ERC2: variants seen among roughly 807,000 people sequenced by gnomAD.
ERC2 encodes the protein ELKS/RAB6-interacting/CAST family member 2, also known as ERC protein 2.
A neutral mutation model predicts 114.8 loss-of-function variants in ERC2; 42 were observed. That is an observed-to-expected ratio of 0.37 (90% CI 0.29 to 0.47). ERC2 has a LOEUF of 0.47. Among genes scored for constraint, ERC2 ranks in the 20% least tolerant of loss-of-function variants. The probability of loss-of-function intolerance (pLI) is 0.99; values close to 1 mark genes in which losing one functional copy is unlikely to be tolerated. For missense variants in ERC2, 939 were observed against 1,150.7 expected, an observed-to-expected ratio of 0.82 and a Z score of 2.66; for synonymous variants, 454 against 425.5, an observed-to-expected ratio of 1.07 and a Z score of -0.82.
intron 5 of ERC2, among the ~76,000 whole-genome samples, chr3:56,145,734 A>G (rs1336057665): frequency 6.6e-6 from 1 of 152,136 alleles, no homozygotes. Context: ...TACCTTTCCA[A>G]AAATGTTATA....
At chr3:55,708,497 A>G (rs1446342014) in intron 15 of ERC2, among the ~76,000 whole-genome samples, 1 of 152,194 alleles carries the variant, frequency 6.6e-6, no homozygotes, top group East Asian at 1.9e-4. Flanking sequence ...CTTACTTGTC[A>G]CTGACAAGCT....
chr3:56,083,029 C>T (rs541689480), intron 6 of ERC2, among the ~76,000 whole-genome samples: 2 of 152,212 alleles, frequency 1.3e-5, no homozygotes, highest in East Asian at 3.9e-4. Flanking sequence ...CAAAACTGGT[C>T]GCTGGTGCCA....
At chr3:56,329,966 CAT>C (rs975750613) in intron 2 of ERC2, among the ~76,000 whole-genome samples, 1 of 151,016 alleles carries the variant, frequency 6.6e-6, no homozygotes. Context: ...TTCCAATACA[CAT>C]ATATATATTT....
intron 7 of ERC2, among the ~76,000 whole-genome samples, chr3:56,040,704 A>C (rs1191217615): frequency 1.4e-5 from 2 of 143,516 alleles, no homozygotes; most frequent in Non-Finnish European, 3.0e-5. Flanking sequence ...AGAGAGAGAT[A>C]TATAGAGAGA....
intron 15 of ERC2, among the ~76,000 whole-genome samples, chr3:55,719,842 C>A (rs184668233): frequency 1.2e-4 from 19 of 152,220 alleles, no homozygotes; most frequent in African/African-American, 4.3e-4. Flanking sequence ...CAGCAGACCC[C>A]CCAGAAGCCT....
chr3:56,227,018 C>CT lies in ERC2; in HGVS notation c.1075-53499_1075-53498insA, dbSNP rs568747846. Among the ~76,000 whole-genome samples, 1,401 of 152,278 alleles carry CT rather than the reference C, an allele frequency of 9.2e-3. 25 individuals are homozygous for CT. Among genetic ancestry groups the CT allele is most frequent in the African/African-American group, 0.031 (1,283 of 41,544 alleles). On this transcript the variant is annotated intron_variant, in intron 3 of 17. Transcript: ENST00000288221. ...CTTACTTGCTCAACTACCTCCACCT[C>CT]AGTGTGCTCTGTAACCTACAGATCC... is the stretch of plus-strand genomic sequence containing the variant.
At chr3:55,817,059 C>G (rs1451091419) in intron 14 of ERC2, among the ~76,000 whole-genome samples, 1 of 152,182 alleles carries the variant, frequency 6.6e-6, no homozygotes, top group African/African-American at 2.4e-5. Context: ...AAAGGTAAGG[C>G]TTGTAGGACA....
intron 15 of ERC2, among the ~76,000 whole-genome samples, chr3:55,727,690 C>G (rs1477020574): frequency 6.6e-6 from 1 of 152,138 alleles, no homozygotes; most frequent in Admixed American, 6.5e-5. Flanking sequence ...ATGAGATACT[C>G]AGGAGTTTTC....
intron 14 of ERC2, among the ~76,000 whole-genome samples, chr3:55,870,220 G>C (rs1018200285): frequency 6.6e-6 from 1 of 151,972 alleles, no homozygotes; most frequent in East Asian, 1.9e-4. Context: ...GACCACAGAC[G>C]CCCGTCACCA....
intron 7 of ERC2, among the ~76,000 whole-genome samples, chr3:56,059,862 C>T (rs2076176245): frequency 1.3e-5 from 2 of 152,188 alleles, no homozygotes; most frequent in African/African-American, 4.8e-5. Flanking sequence ...TGTCTACAAA[C>T]ATGCAGATTC....
chr3:56,071,335 G>A (rs2076732154), intron 7 of ERC2, among the ~76,000 whole-genome samples: 1 of 152,204 alleles, frequency 6.6e-6, no homozygotes, highest in Admixed American at 6.5e-5. Context: ...CCCAGGCTCT[G>A]TCACTAATTA....
At position 56,440,414 on chromosome 3, in the gene ERC2, G is replaced by A. The variant is rs893867290; in HGVS notation, c.-140-5267C>T. Among the ~76,000 whole-genome samples the A allele has an allele frequency of 2.6e-3, 391 of 152,244 alleles. 17 individuals carry two copies. Among genetic ancestry groups the A allele is most frequent in the Admixed American group, 0.025 (388 of 15,294 alleles). The stretch of plus-strand genomic sequence containing the variant: ...GTACAAAAAATTAGCCAGGCGTGGT[G>A]GTGGGCGCATGTAGTCCCAGCTACT... On this transcript the variant is annotated intron_variant, in intron 1 of 17. Transcript: ENST00000288221.
At chr3:55,989,243 A>G (rs933386882) in intron 11 of ERC2, among the ~76,000 whole-genome samples, 2 of 152,392 alleles carry the variant, frequency 1.3e-5, no homozygotes, top group African/African-American at 4.8e-5. Context: ...AAATGCCTGT[A>G]AAATCACTGC....
intron 2 of ERC2, among the ~76,000 whole-genome samples, chr3:56,418,220 C>T (rs1287249494): frequency 6.6e-6 from 1 of 151,540 alleles, no homozygotes; most frequent in African/African-American, 2.4e-5. Flanking sequence ...ATTGCTTGAG[C>T]CCTGGAGATC....
intron 2 of ERC2, among the ~76,000 whole-genome samples, chr3:56,372,800 T>C (rs142368297): frequency 1.3e-5 from 2 of 152,262 alleles, no homozygotes; most frequent in African/African-American, 2.4e-5. Context: ...AACTGAGCTC[T>C]AATCTGTTAG....
intron 10 of ERC2, among the ~76,000 whole-genome samples, chr3:56,001,698 G>C (rs950456023): frequency 6.6e-6 from 1 of 152,110 alleles, no homozygotes; most frequent in Non-Finnish European, 1.5e-5. Flanking sequence ...TACCTATCCT[G>C]ACAGGGAGAG....
intron 15 of ERC2, among the ~76,000 whole-genome samples, chr3:55,731,199 G>A (rs1409348318): frequency 1.1e-5 from 1 of 92,850 alleles, no homozygotes; most frequent in Non-Finnish European, 2.1e-5. Flanking sequence ...TTTAGGAGAG[G>A]AGGACCAGGA....
At chr3:55,920,999 T>C (rs376053494) in intron 13 of ERC2, among the ~76,000 whole-genome samples, 12 of 152,116 alleles carry the variant, frequency 7.9e-5, no homozygotes, top group African/African-American at 2.9e-4. Flanking sequence ...GACTGAATCA[T>C]AACCACTCGG....
chr3:55,993,175 C>G (rs1007742197), intron 10 of ERC2, among the ~76,000 whole-genome samples: 1 of 151,982 alleles, frequency 6.6e-6, no homozygotes, highest in Non-Finnish European at 1.5e-5. Context: ...TTGACTTCTT[C>G]AAAGAGCAGG....
Sources: allele counts gnomAD v4.1 joint callset (sites outside exome capture counted in the v4.1 genomes callset), GRCh38; gene constraint gnomAD v4.1.1; transcripts MANE v1.5; gene names NCBI Gene and HGNC (gene_info 2026-07-23, HGNC 2026-07-21).